CEP120: variants seen among roughly 807,000 people sequenced by gnomAD.
The protein encoded by CEP120 is centrosomal protein of 120 kDa.
Under a neutral mutation model 126.5 loss-of-function variants are expected in CEP120, and 113 were observed. That is an observed-to-expected ratio of 0.89 (90% CI 0.77 to 1.04). The LOEUF is 1.04. CEP120 is among the 50% of genes least tolerant of loss of function. CEP120 has a pLI of 0.00. For missense variants in CEP120, 1,230 were observed against 1,155.7 expected, an observed-to-expected ratio of 1.06 and a Z score of -0.93; for synonymous variants, 400 against 394.3, an observed-to-expected ratio of 1.01 and a Z score of -0.17.
intron 19 of CEP120, among the ~76,000 whole-genome samples, chr5:123,347,443 T>C (rs1768904361): frequency 6.6e-6 from 1 of 152,200 alleles, no homozygotes; most frequent in African/African-American, 2.4e-5. Flanking sequence ...TCTCTATTTG[T>C]AGAAAGTGAA....
intron 1 of CEP120, among the ~76,000 whole-genome samples, chr5:123,418,855 T>C (rs886890718): frequency 1.3e-5 from 2 of 152,140 alleles, no homozygotes; most frequent in African/African-American, 4.8e-5. Flanking sequence ...AGTGCTGGGA[T>C]TACAGGCATG....
chr5:123,382,284 C>T, intron 13 of CEP120, 84 bp from the exon 14 acceptor site: 2 of 623,778 alleles, frequency 3.2e-6, no homozygotes, highest in East Asian at 3.1e-5. Flanking sequence ...ATAACCGATG[C>T]TGATCACTAA....
chr5:123,372,748 T>TA lies in CEP120; in HGVS notation c.2382dup (p.Lys795Ter), dbSNP rs754902132. 1 of 1,604,824 alleles carries TA rather than the reference T, an allele frequency of 6.2e-7. No individual in the cohort carries two copies. The highest frequency in any genetic ancestry group is 8.5e-7 in the Non-Finnish European group (1 of 1,175,656). On this transcript the variant is annotated frameshift_variant, in exon 17 of 20. Coordinates refer to ENST00000306467, the MANE Select transcript of CEP120 (RefSeq NM_001375405.1). LOFTEE classifies it high-confidence loss of function. Reference sequence around the variant, plus strand: ...TGTTGGAACTCTTTTTCCAAAATCTTATACTTATTTTCAGCATCATTAAGC... The same window carrying TA: ...TGTTGGAACTCTTTTTCCAAAATCTTAATACTTATTTTCAGCATCATTAAGC...
chr5:123,409,988 A>ACCC (rs1204533343), intron 4 of CEP120, among the ~76,000 whole-genome samples: 2 of 132,514 alleles, frequency 1.5e-5, no homozygotes, highest in Admixed American at 7.7e-5. Flanking sequence ...AAAAAAAAAA[A>ACCC]AAACCACACA....
intron 16 of CEP120, among the ~76,000 whole-genome samples, chr5:123,375,457 G>C (rs1771144252): frequency 6.6e-6 from 1 of 152,034 alleles, no homozygotes; most frequent in African/African-American, 2.4e-5. Flanking sequence ...TGAGTAGCTG[G>C]AACCACAGGT....
chr5:123,389,719 C>T (rs774944837), intron 8 of CEP120, among the ~76,000 whole-genome samples: 4 of 152,120 alleles, frequency 2.6e-5, no homozygotes, highest in East Asian at 1.9e-4. Context: ...AGGCTGGTCT[C>T]GAATGCCCAA....
chr5:123,402,983 T>G (rs760244310), intron 4 of CEP120, among the ~76,000 whole-genome samples: 5 of 152,222 alleles, frequency 3.3e-5, no homozygotes, highest in Non-Finnish European at 7.3e-5. Flanking sequence ...CAGATGCCAG[T>G]GCCTTGATCT....
chr5:123,415,978 T>C (rs377292559), intron 3 of CEP120, 32 bp downstream of exon 3: 8 of 1,376,442 alleles, frequency 5.8e-6, no homozygotes, highest in Non-Finnish European at 5.2e-6. Flanking sequence ...CTGTCTAACA[T>C]AATCATTAGC....
At chr5:123,371,808 C>T (rs1770873797) in intron 17 of CEP120, among the ~76,000 whole-genome samples, 1 of 152,088 alleles carries the variant, frequency 6.6e-6, no homozygotes, top group Non-Finnish European at 1.5e-5. Flanking sequence ...GGAAAGGAAG[C>T]CTTCAACACA....
rs376284108 is a variant in CEP120, at chr5:123,390,054, A to G, written c.1125T>C (p.Leu375=). 2.0e-5 allele frequency: 32 copies of G among 1,614,044 alleles called. No homozygotes were observed. The African/African-American group carries it at 2.5e-4, about 13-fold the overall frequency. Residue 375 remains leucine, a synonymous_variant, in exon 8 of 20, where the codon CTT becomes CTC. Coordinates refer to ENST00000306467, the MANE Select transcript of CEP120 (RefSeq NM_001375405.1). ...ACACTGTTGGTGATTTTGGCCCAGT[A>G]AGTGTCTTCTCCTTTATGGGGGTTA... ...KVLTPIKEKT[L]TGPKSPTVSP... is the part of the protein sequence containing the mutation.
At chr5:123,350,175 T>C in intron 18 of CEP120, 86 bp from the exon 19 acceptor site, 2 of 1,226,322 alleles carry the variant, frequency 1.6e-6, no homozygotes, top group South Asian at 1.5e-5. Context: ...ATAATCCTAT[T>C]TGACAACACC....
chr5:123,378,944 C>T (rs1463375779), intron 14 of CEP120, among the ~76,000 whole-genome samples: 2 of 150,280 alleles, frequency 1.3e-5, no homozygotes, highest in Non-Finnish European at 3.0e-5. Context: ...TGGGACAAGC[C>T]AATAAAGCCA....
intron 11 of CEP120, among the ~76,000 whole-genome samples, chr5:123,383,923 T>C (rs575079145): frequency 6.6e-6 from 1 of 152,284 alleles, no homozygotes; most frequent in South Asian, 2.1e-4. Flanking sequence ...ATTAGAACTC[T>C]TAATTAACCA....
chr5:123,362,530 CA>C (rs1770163731), intron 18 of CEP120, among the ~76,000 whole-genome samples: 1 of 151,650 alleles, frequency 6.6e-6, no homozygotes. Flanking sequence ...TTCACTTTTG[CA>C]CCTACCTAAT....
intron 11 of CEP120, 35 bp downstream of exon 11, chr5:123,384,911 TGAAAA>T (rs1771914760): frequency 9.3e-6 from 14 of 1,512,966 alleles, no homozygotes; most frequent in Non-Finnish European, 1.2e-5. Context: ...TTCCATGAAT[TGAAAA>T]GAAAAGCAAA....
chr5:123,347,160 T>G (rs961169065), intron 19 of CEP120, among the ~76,000 whole-genome samples: 1 of 152,184 alleles, frequency 6.6e-6, no homozygotes, highest in Non-Finnish European at 1.5e-5. Context: ...ATACTACATA[T>G]GCAATTCTGT....
rs759909544 is a variant in CEP120, at chr5:123,412,375, T to C, written c.463+24A>G. 1.6e-5 allele frequency: 26 copies of C among 1,584,806 alleles called. No homozygotes were observed. The African/African-American group carries it at 3.3e-4, about 20-fold the overall frequency. ...TCCAAAGATGGAACTTCTCAGAGAA[T>C]GTTTTTAGAGATGATGCACAAACCT... On this transcript the variant is annotated intron_variant, in intron 4 of 19. Transcript: ENST00000306467.
intron 18 of CEP120, among the ~76,000 whole-genome samples, chr5:123,354,223 T>TTATC (rs1404381203): frequency 4.6e-5 from 7 of 152,126 alleles, no homozygotes; most frequent in African/African-American, 1.7e-4. Context: ...ACATTTCTTA[T>TTATC]TATCTTTTTA....
chr5:123,401,902 T>A, intron 4 of CEP120: 2 of 1,563,526 alleles, frequency 1.3e-6, no homozygotes, highest in East Asian at 2.2e-5. Flanking sequence ...AGCTGCCGCC[T>A]AAGGTTGTTG....
Sources: allele counts gnomAD v4.1 joint callset (sites outside exome capture counted in the v4.1 genomes callset), GRCh38; gene constraint gnomAD v4.1.1; transcripts MANE v1.5; gene names NCBI Gene and HGNC (gene_info 2026-07-23, HGNC 2026-07-21).